HGSNAT: variants seen among roughly 807,000 people sequenced by gnomAD.
The protein encoded by HGSNAT is heparan-alpha-glucosaminide N-acetyltransferase, also known as transmembrane protein 76.
Under a neutral mutation model 85.2 loss-of-function variants are expected in HGSNAT, and 59 were observed. The observed-to-expected ratio is 0.69, with a 90% CI of 0.56 to 0.86. The LOEUF (loss-of-function observed/expected upper bound fraction) is 0.86. Among genes scored for constraint, HGSNAT ranks in the 40% least tolerant of loss-of-function variants. The pLI is 0.00. For synonymous variants in HGSNAT, 321 were observed against 304.5 expected (o/e 1.05, Z -0.56); for missense variants, 756 against 777.1 (o/e 0.97, Z 0.32).
intron 2 of HGSNAT, among the ~76,000 whole-genome samples, chr8:43,154,042 CT>C (rs1803008468): frequency 6.7e-6 from 1 of 149,836 alleles, no homozygotes; most frequent in Non-Finnish European, 1.5e-5. Context: ...AACTGATTTT[CT>C]TTTCTTTTCT....
chr8:43,152,152 A>C (rs1451506557), intron 2 of HGSNAT, among the ~76,000 whole-genome samples: 1 of 152,108 alleles, frequency 6.6e-6, no homozygotes, highest in African/African-American at 2.4e-5. Flanking sequence ...TTAGCTGGGC[A>C]TGGTGGTGGG....
In HGSNAT at chr8:43,159,853, T is replaced by C. The variant is rs1042066401; in HGVS notation, c.493+809T>C. ...AAATCTGCCATTCGGAACTCCCTAT[T>C]AGGTAACAATGTATGTGCTGCCTTT... On this transcript the variant is annotated intron_variant, in intron 4 of 17. Coordinates refer to ENST00000379644, the MANE Select transcript of HGSNAT (RefSeq NM_152419.3). Among the ~76,000 whole-genome samples the C allele has an allele frequency of 1.3e-5, 2 of 152,136 alleles. No individual in the cohort carries two copies. The highest frequency in any genetic ancestry group is 2.9e-5 in the Non-Finnish European group (2 of 68,030).
chr8:43,160,843 T>G (rs1803245622), intron 4 of HGSNAT, among the ~76,000 whole-genome samples: 1 of 152,228 alleles, frequency 6.6e-6, no homozygotes, highest in South Asian at 2.1e-4. Flanking sequence ...TCCTCAGTCT[T>G]TCTTTGTCTT....
intron 7 of HGSNAT, among the ~76,000 whole-genome samples, chr8:43,171,039 T>A (rs1329042763): frequency 6.6e-6 from 1 of 152,144 alleles, no homozygotes; most frequent in Non-Finnish European, 1.5e-5. Context: ...GCTCAGAAGA[T>A]GCACTAGTCT....
chr8:43,186,206 A>G (rs968930301), intron 11 of HGSNAT, among the ~76,000 whole-genome samples: 1 of 152,242 alleles, frequency 6.6e-6, no homozygotes, highest in African/African-American at 2.4e-5. Context: ...TAGTTTCAGA[A>G]GGAATGGTAC....
At chr8:43,180,138 G>T (rs528968148) in intron 10 of HGSNAT, among the ~76,000 whole-genome samples, 33 of 43,098 alleles carry the variant, frequency 7.7e-4, no homozygotes, top group East Asian at 2.0e-3. Flanking sequence ...GGATGGGGCG[G>T]CTGGCCGGGC....
In HGSNAT at chr8:43,197,982, G is replaced by C. The variant is rs779458400; in HGVS notation, c.1726+30G>C. The C allele has an allele frequency of 3.3e-6, 5 of 1,512,498 alleles. No homozygotes were observed. In the South Asian group the frequency reaches 5.7e-5, roughly 17 times the overall value. The allele number at this position is 1,512,498 out of a possible 1,614,324, so 93.7% of individuals were successfully genotyped here. A position where few individuals can be genotyped will look rare whatever the true frequency, so the allele number is the denominator to read the frequency against. On this transcript the variant is annotated intron_variant, in intron 17 of 17. Coordinates refer to ENST00000379644, the MANE Select transcript of HGSNAT (RefSeq NM_152419.3). ...GTCACCTCCAACCTCAAACAGAGCT[G>C]GGATGGTGACCAGGAGGCAGGCCCA...
rs144555776 is a variant in HGSNAT, at chr8:43,150,082, G to A, written c.234+3019G>A. Among the ~76,000 whole-genome samples the A allele has an allele frequency of 9.4e-3, 1,430 of 151,858 alleles. 19 individuals carry two copies. The highest frequency in any genetic ancestry group is 0.032 in the African/African-American group (1,329 of 41,422). On this transcript the variant is annotated intron_variant, in intron 2 of 17. Coordinates refer to ENST00000379644, the MANE Select transcript of HGSNAT (RefSeq NM_152419.3). ...AGCGATTCTCCTGCCTCAGCCTCCC[G>A]AGTAGTTGGGACTACAGGCGCCCGC...
chr8:43,190,073 C>T (rs1804474725), intron 11 of HGSNAT, among the ~76,000 whole-genome samples: 1 of 152,150 alleles, frequency 6.6e-6, no homozygotes, highest in Non-Finnish European at 1.5e-5. Context: ...TGAGGATAAT[C>T]CCCAGGTAGG....
chr8:43,157,145 A>G (rs1016862731), intron 2 of HGSNAT, among the ~76,000 whole-genome samples: 1 of 152,226 alleles, frequency 6.6e-6, no homozygotes, highest in Non-Finnish European at 1.5e-5. Flanking sequence ...AAAGTTTAAT[A>G]TTATAGTATA....
chr8:43,140,526 G>A lies in HGSNAT; in HGVS notation c.30G>A (p.Ala10=), dbSNP rs2130647781. The change falls in exon 1 of 18, where the codon GCG becomes GCA. Residue 10 remains alanine (A), a synonymous_variant. Transcript: ENST00000379644. MSGAGRALA[A]LLLAASVLSA... is the part of the protein sequence containing the mutation. ...GCGGGGCGGGCAGGGCGCTGGCCGC[G>A]CTGCTGCTGGCCGCGTCCGTGCTGA... 6 of 1,106,720 alleles carry A rather than the reference G, an allele frequency of 5.4e-6. No individual in the cohort carries two copies. The East Asian group carries it at 2.6e-4, about 48-fold the overall frequency. The allele number at this position is 1,106,720 out of a possible 1,614,324, so 68.6% of individuals were successfully genotyped here.
chr8:43,193,826 G>A lies in HGSNAT; in HGVS notation c.1447G>A (p.Ala483Thr), dbSNP rs1563383606. Residue 483 changes from alanine (A) to threonine (T), a missense_variant, in exon 14 of 18, where the codon GCC (alanine) becomes ACC (threonine). Transcript: ENST00000379644. ...GGGCACCATCAACTCCATCGTGATG[G>A]CCTTTTTAGGAGTTCAGGTATTTGT... ...ILGTINSIVM[A>T]FLGVQAGKIL... is the part of the protein sequence containing the mutation. The A allele has an allele frequency of 6.2e-7, 1 of 1,613,684 alleles. No individual in the cohort carries two copies. The highest frequency in any genetic ancestry group is 1.7e-5 in the Admixed American group (1 of 60,004).
Position 43,158,641 on chromosome 8 carries a change from G to A in HGSNAT, c.301G>A (p.Ala101Thr), listed in dbSNP as rs1205723682. ...AGCAGGGAAGCCTAGTGCTGCAGCT[G>A]CCTCTGTCAGCACCCAGCACGGATC... ...PKAGKPSAAA[A>T]SVSTQHGSIL... The change falls in exon 3 of 18, where the codon GCC becomes ACC. Residue 101 changes from alanine to threonine, a missense_variant. Coordinates refer to ENST00000379644, the MANE Select transcript of HGSNAT (RefSeq NM_152419.3). 1 of 1,613,956 alleles carries A rather than the reference G, an allele frequency of 6.2e-7. No homozygotes were observed. Among genetic ancestry groups the A allele is most frequent in the South Asian group, 1.1e-5 (1 of 91,082 alleles).
chr8:43,177,199 C>T lies in HGSNAT; in HGVS notation c.852-875C>T, dbSNP rs578053959. ...ATGCAGCAAGAGCAAACTTTCATCT[C>T]TGTGATCCCTTGCCAAGTAATTAGA... On this transcript the variant is annotated intron_variant, in intron 9 of 17. Coordinates refer to ENST00000379644, the MANE Select transcript of HGSNAT (RefSeq NM_152419.3). 7.8e-4 allele frequency among the ~76,000 whole-genome samples: 119 copies of T among 152,152 alleles called. 2 individuals are homozygous for T. The South Asian group carries it at 0.025, about 31-fold the overall frequency.
chr8:43,170,991 C>A (rs1046879592), intron 7 of HGSNAT, among the ~76,000 whole-genome samples: 1 of 152,104 alleles, frequency 6.6e-6, no homozygotes, highest in African/African-American at 2.4e-5. Flanking sequence ...TTACTTGGGG[C>A]TGCAGACTGT....
chr8:43,195,558 GAT>G (rs1804682516), intron 14 of HGSNAT, among the ~76,000 whole-genome samples: 1 of 147,264 alleles, frequency 6.8e-6, no homozygotes, highest in Non-Finnish European at 1.5e-5. Flanking sequence ...GGAGGAGGAG[GAT>G]GAGGAGGAAG....
At chr8:43,173,836 T>C (rs1803718259) in intron 9 of HGSNAT, 93 bp downstream of exon 9, 1 of 1,349,338 alleles carries the variant, frequency 7.4e-7, no homozygotes, top group Non-Finnish European at 1.0e-6. Flanking sequence ...GAGACGGGCA[T>C]GTGTTATGTG....
chr8:43,182,728 G>A (rs1804174098), intron 11 of HGSNAT, among the ~76,000 whole-genome samples: 1 of 152,146 alleles, frequency 6.6e-6, no homozygotes, highest in African/African-American at 2.4e-5. Flanking sequence ...TTACAGGTGT[G>A]AGCCACCATG....
chr8:43,186,533 C>G (rs201911760), intron 11 of HGSNAT, among the ~76,000 whole-genome samples: 2 of 151,752 alleles, frequency 1.3e-5, no homozygotes, highest in Admixed American at 6.6e-5. Flanking sequence ...TCTCCCTTTT[C>G]TTCTTTATTA....
Sources: gnomAD v4.1 joint callset for allele counts (sites outside exome capture counted in the v4.1 genomes callset) on GRCh38, gnomAD v4.1.1 for gene constraint, MANE v1.5 for transcripts, NCBI Gene and HGNC (gene_info 2026-07-23, HGNC 2026-07-21) for gene names.